Variants in TECTA observed in about 807,000 individuals in gnomAD.
The protein encoded by TECTA is alpha-tectorin.
A neutral mutation model predicts 216.8 loss-of-function variants in TECTA; 128 were observed. The observed-to-expected ratio is 0.59, with a 90% CI of 0.51 to 0.68. The LOEUF is 0.68. Ranked by LOEUF, TECTA falls within the 30% of genes least tolerant of loss-of-function variation. The pLI, the probability that TECTA is intolerant of heterozygous loss-of-function variation, is 0.00. For missense variants in TECTA, 2,551 were observed against 2,786.2 expected (o/e 0.92, Z 1.90); for synonymous variants, 1,089 against 1,117.1 (o/e 0.97, Z 0.50).
chr11:121,182,639 G>C (rs1175809704), intron 20 of TECTA, among the ~76,000 whole-genome samples: 2 of 152,286 alleles, frequency 1.3e-5, no homozygotes, highest in East Asian at 1.9e-4. Context: ...GGGCAGGTCT[G>C]TTGTCAGGCC....
chr11:121,127,078 C>G lies in TECTA; in HGVS notation c.1775-674C>G, dbSNP rs1024586001. On this transcript the variant is annotated intron_variant, in intron 8 of 23. Coordinates refer to ENST00000392793, the MANE Select transcript of TECTA (RefSeq NM_005422.4). The surrounding 1 kb of genome is among the most constrained non-coding windows in gnomAD (Gnocchi z 5.0). ...AACCAGACTCAAACATTTATGTAGA[C>G]CCAGATGTTATTAAAGCAAGAACCG... is the stretch of plus-strand genomic sequence containing the variant. Among the ~76,000 whole-genome samples, 3 of 152,212 alleles carry G rather than the reference C, an allele frequency of 2.0e-5. No homozygotes were observed. Among genetic ancestry groups the G allele is most frequent in the Non-Finnish European group, 4.4e-5 (3 of 68,042 alleles).
intron 7 of TECTA, among the ~76,000 whole-genome samples, chr11:121,119,010 C>T (rs3017595): frequency 2.1e-5 from 2 of 93,290 alleles, no homozygotes; most frequent in East Asian, 2.3e-4. Context: ...CACACACACA[C>T]ACACACACAC....
rs200672970 is a variant in TECTA at position 121,113,053 on chromosome 11, G to A, written c.487-19G>A. ...CCTGGGGAGTGCAAGTCATGAGACTGCGCATTCCCATCCTGTAGGTGAACA... is the reference window on the plus strand; with the variant it reads ...CCTGGGGAGTGCAAGTCATGAGACTACGCATTCCCATCCTGTAGGTGAACA... On this transcript the variant is annotated intron_variant, in intron 4 of 23. Coordinates refer to ENST00000392793, the MANE Select transcript of TECTA (RefSeq NM_005422.4). This position sits in a 1 kb window ranked among gnomAD's most constrained non-coding sequence, Gnocchi z 4.2. 205 of 1,613,864 alleles carry A rather than the reference G, an allele frequency of 1.3e-4. 1 individual carries two copies. In the African/African-American group the frequency reaches 2.5e-3, roughly 20 times the overall value.
chr11:121,127,640 T>C lies in TECTA; in HGVS notation c.1775-112T>C. On this transcript the variant is annotated intron_variant, in intron 8 of 23. Coordinates refer to ENST00000392793, the MANE Select transcript of TECTA (RefSeq NM_005422.4). This position sits in a 1 kb window ranked among gnomAD's most constrained non-coding sequence, Gnocchi z 5.0. ...AATTCTGTCTTCCCCGAGTGGCCGC[T>C]TGACCCTCACTCTAGGAACTAAATG... The C allele has an allele frequency of 1.5e-6, 2 of 1,300,376 alleles. No individual in the cohort carries two copies. Among genetic ancestry groups the C allele is most frequent in the Middle Eastern group, 3.6e-4 (2 of 5,486 alleles). 80.6% of individuals were successfully genotyped at this position (1,300,376 alleles called of 1,614,324 possible).
chr11:121,190,692 C>T lies in TECTA; in HGVS notation c.6368-14C>T. On this transcript the variant is annotated splice_polypyrimidine_tract_variant and intron_variant, in intron 23 of 23. Transcript: ENST00000392793. ...TCCCCCCATAGGGCTTACTGTGTTC[C>T]TCTCTGTTTACAGCCTCTAATTCTT... is the stretch of plus-strand genomic sequence containing the variant. The T allele has an allele frequency of 6.2e-7, 1 of 1,601,776 alleles. No individual in the cohort carries two copies. The highest frequency in any genetic ancestry group is 2.2e-5 in the East Asian group (1 of 44,810).
Position 121,191,079 on chromosome 11 carries a change from G to GA in TECTA, c.*278dup. ...TGTCACTAGAGACTTTGGTTCACAT[G>GA]AAAAACCAGTAAAGGAAAAAAATTC... is the stretch of plus-strand genomic sequence containing the variant. On this transcript the variant is annotated 3_prime_UTR_variant, in exon 24 of 24. Transcript: ENST00000392793. 2 of 357,934 alleles carry GA rather than the reference G, an allele frequency of 5.6e-6. No homozygotes were observed. Among genetic ancestry groups the GA allele is most frequent in the Non-Finnish European group, 1.1e-5 (2 of 188,058 alleles). 22.2% of individuals were successfully genotyped at this position (357,934 alleles called of 1,614,324 possible).
chr11:121,182,871 C>A lies in TECTA; in HGVS notation c.6000-4961C>A, dbSNP rs11218189. On this transcript the variant is annotated intron_variant, in intron 20 of 23. Transcript: ENST00000392793. ...TGGGCACCAGTGGTGGTGGGTGGGG[C>A]AGGCCTGTCCTCAGGCCCCATGACA... Among the ~76,000 whole-genome samples, 816 of 152,152 alleles carry A rather than the reference C, an allele frequency of 5.4e-3. 5 individuals are homozygous for A. Among genetic ancestry groups the A allele is most frequent in the African/African-American group, 0.018 (763 of 41,498 alleles).
Position 121,137,630 on chromosome 11 carries a change from T to G in TECTA, c.3151T>G (p.Phe1051Val), listed in dbSNP as rs1303408024. The G allele has an allele frequency of 6.2e-7, 1 of 1,613,978 alleles. No homozygotes were observed. The highest frequency in any genetic ancestry group is 1.1e-5 in the South Asian group (1 of 91,066). Residue 1051 changes from phenylalanine to valine, a missense_variant, in exon 11 of 24, where the codon TTC becomes GTC. Physicochemically the swap from Phe to Val is conservative, Grantham distance 50 (BLOSUM62 -1). Coordinates refer to ENST00000392793, the MANE Select transcript of TECTA (RefSeq NM_005422.4). ...EGHQLATNET[F>V]WVDLDCQIFC... ...GCACCAACTTGCCACCAATGAGACCTTCTGGGTGGACCTGGACTGCCAGAT... is the reference window on the plus strand; with the variant it reads ...GCACCAACTTGCCACCAATGAGACCGTCTGGGTGGACCTGGACTGCCAGAT...
chr11:121,148,140 G>A lies in TECTA; in HGVS notation c.4105+2024G>A, dbSNP rs145700360. On this transcript the variant is annotated intron_variant, in intron 12 of 23. Coordinates refer to ENST00000392793, the MANE Select transcript of TECTA (RefSeq NM_005422.4). ...TCTCTACCCTGGCTCACCAGTAATG[G>A]GAGCTCTACTCATGGCACCCAGAGC... Among the ~76,000 whole-genome samples, 552 of 152,198 alleles carry A rather than the reference G, an allele frequency of 3.6e-3. 1 individual carries two copies. Among genetic ancestry groups the A allele is most frequent in the Middle Eastern group, 0.014 (4 of 294 alleles).
chr11:121,150,748 CA>C (rs1477768067), intron 12 of TECTA, among the ~76,000 whole-genome samples: 1 of 148,414 alleles, frequency 6.7e-6, no homozygotes, highest in Non-Finnish European at 1.5e-5. Context: ...TGGGTTCAAG[CA>C]ATTCTCCTGC....
In TECTA at chr11:121,129,810, G is replaced by C; in HGVS notation, c.2540G>C (p.Gly847Ala). Residue 847 changes from glycine to alanine, a missense_variant, in exon 10 of 24, where the codon GGC becomes GCC. Physicochemically the swap from Gly to Ala is moderately conservative, Grantham distance 60 (BLOSUM62 0). Coordinates refer to ENST00000392793, the MANE Select transcript of TECTA (RefSeq NM_005422.4). ...LSTTYFNCTG[G>A]LCGFYNANAS... ...ACCACATACTTCAATTGCACAGGGG[G>C]CTTGTGCGGCTTCTACAATGCCAAC... The C allele has an allele frequency of 6.2e-7, 1 of 1,614,212 alleles. No homozygotes were observed. Among genetic ancestry groups the C allele is most frequent in the Non-Finnish European group, 8.5e-7 (1 of 1,180,046 alleles).
rs772411528 is a variant in TECTA, at chr11:121,160,387, G to T, written c.4942G>T (p.Ala1648Ser). The T allele has an allele frequency of 6.2e-7, 1 of 1,612,866 alleles. No individual in the cohort carries two copies. Among genetic ancestry groups the T allele is most frequent in the Non-Finnish European group, 8.5e-7 (1 of 1,179,928 alleles). The change falls in exon 15 of 24, where the codon GCC (alanine) becomes TCC (serine). Residue 1648 changes from alanine to serine, a missense_variant. Physicochemically the swap from Ala to Ser is moderately conservative, Grantham distance 99. Around this residue, in one of 3 missense-constraint regions of TECTA, gnomAD observed 2,375 missense variants for 2,563.9 expected, o/e 0.93. Coordinates refer to ENST00000392793, the MANE Select transcript of TECTA (RefSeq NM_005422.4). ...GKPVVSSVVL[A>S]QSWKTNGMQK... ...GCCGGTGGTAAGCAGCGTGGTGCTG[G>T]CCCAGAGCTGGAAAACCAATGGCAT...
rs769718772 is a variant in TECTA, at chr11:121,158,193, A to G, written c.4658A>G (p.Gln1553Arg). Residue 1553 changes from glutamine to arginine, a missense_variant, in exon 14 of 24, where the codon CAG (glutamine) becomes CGG (arginine). Transcript: ENST00000392793. Reference protein sequence around the residue: ...SPVYFYINEEQILINDRNTVK... With the variant: ...SPVYFYINEERILINDRNTVK... ...GTCTACTTCTACATTAACGAAGAGCAGATTCTCATCAACGACCGGAACACG... is the reference window on the plus strand; with the variant it reads ...GTCTACTTCTACATTAACGAAGAGCGGATTCTCATCAACGACCGGAACACG... 3.7e-6 allele frequency: 6 copies of G among 1,613,862 alleles called. No homozygotes were observed. The highest frequency in any genetic ancestry group is 5.1e-6 in the Non-Finnish European group (6 of 1,180,040).
chr11:121,177,768 C>T (rs1241786863), intron 20 of TECTA, among the ~76,000 whole-genome samples: 1 of 152,204 alleles, frequency 6.6e-6, no homozygotes, highest in East Asian at 1.9e-4. Context: ...TTGTCTGTGC[C>T]CTGCCCCCAG....
At chr11:121,153,905 T>C (rs1318383988) in intron 13 of TECTA, among the ~76,000 whole-genome samples, 2 of 152,196 alleles carry the variant, frequency 1.3e-5, no homozygotes, top group Non-Finnish European at 2.9e-5. Context: ...CAAAACCATA[T>C]GTTGGCAAGT....
At chr11:121,119,363 G>T (rs1465912600) in intron 7 of TECTA, among the ~76,000 whole-genome samples, 1 of 152,048 alleles carries the variant, frequency 6.6e-6, no homozygotes, top group Non-Finnish European at 1.5e-5. Flanking sequence ...CTCGAATAGA[G>T]TCCCCAACTC....
At chr11:121,125,978 T>C (rs1447366545) in intron 8 of TECTA, 106 bp downstream of exon 8, 1 of 1,329,794 alleles carries the variant, frequency 7.5e-7, no homozygotes, top group East Asian at 2.5e-5. Flanking sequence ...GACCCAAGAA[T>C]GAGGGGGAGG....
At chr11:121,141,553 G>A (rs1946784151) in intron 11 of TECTA, among the ~76,000 whole-genome samples, 1 of 152,196 alleles carries the variant, frequency 6.6e-6, no homozygotes, top group African/African-American at 2.4e-5. Context: ...CACCGCCATA[G>A]CCCATCTCAG....
intron 20 of TECTA, among the ~76,000 whole-genome samples, chr11:121,173,157 G>A (rs1947129864): frequency 6.6e-6 from 1 of 152,132 alleles, no homozygotes. Flanking sequence ...CACTCTGGTG[G>A]TAGTTTCTTT....
Sources: gnomAD v4.1 joint callset for allele counts (sites outside exome capture counted in the v4.1 genomes callset) on GRCh38, gnomAD v4.1.1 for gene constraint, gnomAD v4.1.1 regional missense constraint, Gnocchi (gnomAD v3.1) non-coding constraint, MANE v1.5 for transcripts, NCBI Gene and HGNC (gene_info 2026-07-23, HGNC 2026-07-21) for gene names.